SGCD: variants seen among roughly 807,000 people sequenced by gnomAD.
The protein encoded by SGCD is sarcoglycan delta, also known as delta-sarcoglycan.
Under a neutral mutation model 36.6 loss-of-function variants are expected in SGCD, and 18 were observed. The ratio of observed to expected loss-of-function variants is 0.49; its 90% CI spans 0.34 to 0.73. The LOEUF (loss-of-function observed/expected upper bound fraction) is 0.73. Ranked by LOEUF, SGCD falls within the 30% of genes least tolerant of loss-of-function variation. The pLI, the probability that SGCD is intolerant of heterozygous loss-of-function variation, is 0.01. For missense variants in SGCD, 387 were observed against 346.7 expected (o/e 1.12, Z -0.92); for synonymous variants, 133 against 130.6 (o/e 1.02, Z -0.12).
intron 3 of SGCD, among the ~76,000 whole-genome samples, chr5:156,467,066 C>T (rs1754751643): frequency 6.6e-6 from 1 of 152,086 alleles, no homozygotes; most frequent in African/African-American, 2.4e-5. Flanking sequence ...GTTGCAGCTA[C>T]TCAACTCTGT....
chr5:155,954,758 G>A (rs1171383854), intron 1 of SGCD, among the ~76,000 whole-genome samples: 2 of 152,134 alleles, frequency 1.3e-5, no homozygotes, highest in African/African-American at 4.8e-5. Context: ...CTAACAGGAT[G>A]TATGTATATC....
chr5:156,595,683 G>A (rs921072508), intron 6 of SGCD, among the ~76,000 whole-genome samples: 3 of 152,182 alleles, frequency 2.0e-5, no homozygotes, highest in Admixed American at 6.5e-5. Context: ...TGGCAGGCGT[G>A]CTTGACGCAT....
chr5:156,285,930 A>C (rs1398071641), intron 3 of SGCD, among the ~76,000 whole-genome samples: 3 of 152,230 alleles, frequency 2.0e-5, no homozygotes, highest in Admixed American at 2.0e-4. Flanking sequence ...CTCATCTGAC[A>C]AAGGGCTAAT....
chr5:156,294,778 T>C (rs115303222), intron 3 of SGCD, among the ~76,000 whole-genome samples: 1,862 of 152,322 alleles, frequency 0.012, 20 homozygotes, highest in Non-Finnish European at 0.02. Context: ...ATACGTTATA[T>C]CAAATTGTTG....
intron 3 of SGCD, among the ~76,000 whole-genome samples, chr5:156,157,545 G>A (rs1208142113): frequency 6.6e-6 from 1 of 151,568 alleles, no homozygotes; most frequent in African/African-American, 2.4e-5. Flanking sequence ...CTCTACAAAG[G>A]ACTAGAAATG....
chr5:156,568,612 A>G (rs1759592462), intron 4 of SGCD, among the ~76,000 whole-genome samples: 1 of 152,200 alleles, frequency 6.6e-6, no homozygotes, highest in African/African-American at 2.4e-5. Context: ...CTGTCCACAC[A>G]CTGTTGATTG....
At chr5:156,446,557 A>G (rs1196427313) in intron 3 of SGCD, among the ~76,000 whole-genome samples, 1 of 152,112 alleles carries the variant, frequency 6.6e-6, no homozygotes, top group Non-Finnish European at 1.5e-5. Flanking sequence ...GTGTTTTGTG[A>G]TTTCTCCCAA....
At chr5:156,548,885 T>A (rs1417600594) in intron 4 of SGCD, among the ~76,000 whole-genome samples, 2 of 152,166 alleles carry the variant, frequency 1.3e-5, no homozygotes, top group African/African-American at 4.8e-5. Context: ...CAGAGCATCC[T>A]TGAGAACATT....
At chr5:156,095,755 C>G (rs1288211000) in intron 1 of SGCD, among the ~76,000 whole-genome samples, 1 of 152,196 alleles carries the variant, frequency 6.6e-6, no homozygotes, top group Non-Finnish European at 1.5e-5. Context: ...CAAATTGTCA[C>G]TCAAGTGGCT....
intron 1 of SGCD, among the ~76,000 whole-genome samples, chr5:156,059,573 G>T (rs1760151698): frequency 6.8e-6 from 1 of 146,306 alleles, no homozygotes; most frequent in Non-Finnish European, 1.5e-5. Context: ...GTAAGATAGT[G>T]TGGTGTTTTT....
chr5:155,938,797 A>G (rs1757266126), intron 1 of SGCD, among the ~76,000 whole-genome samples: 1 of 152,240 alleles, frequency 6.6e-6, no homozygotes. Flanking sequence ...ATACCTGCGA[A>G]GTAGACATTA....
At chr5:156,131,128 G>A (rs1426994759) in intron 3 of SGCD, among the ~76,000 whole-genome samples, 1 of 152,180 alleles carries the variant, frequency 6.6e-6, no homozygotes, top group Non-Finnish European at 1.5e-5. Flanking sequence ...TCTAATACAA[G>A]TCTGTTTTCT....
intron 7 of SGCD, among the ~76,000 whole-genome samples, chr5:156,748,795 A>AT (rs1258976998): frequency 6.6e-6 from 1 of 152,018 alleles, no homozygotes; most frequent in East Asian, 1.9e-4. Flanking sequence ...GGTAGTTTCA[A>AT]TTTTTTCTTT....
chr5:156,339,692 G>T (rs1206804813), intron 2 of SGCD, among the ~76,000 whole-genome samples: 1 of 151,926 alleles, frequency 6.6e-6, no homozygotes, highest in Non-Finnish European at 1.5e-5. Context: ...ATATCTAAAA[G>T]TACATACCAT....
chr5:156,495,436 C>G (rs913529162), intron 3 of SGCD, among the ~76,000 whole-genome samples: 2 of 152,154 alleles, frequency 1.3e-5, no homozygotes, highest in African/African-American at 4.8e-5. Context: ...CGGCACTGGG[C>G]CCTTTGAAGC....
chr5:155,762,517 C>G, the SGCD span, among the ~76,000 whole-genome samples: 1 of 152,154 alleles, frequency 6.6e-6, no homozygotes, highest in African/African-American at 2.4e-5. Flanking sequence ...TAGCTGTCAC[C>G]TATTTGGCAC....
chr5:156,632,660 A>G (rs759200635), intron 6 of SGCD, among the ~76,000 whole-genome samples: 4 of 152,208 alleles, frequency 2.6e-5, no homozygotes, highest in Admixed American at 6.5e-5. Context: ...TACACTTGCC[A>G]TGGTTTGGGT....
At chr5:155,738,409 T>C in the SGCD span, among the ~76,000 whole-genome samples, 1 of 152,196 alleles carries the variant, frequency 6.6e-6, no homozygotes, top group Non-Finnish European at 1.5e-5. Flanking sequence ...AAAAAGCATG[T>C]TTTTCCTCTT....
At chr5:156,695,337 G>A (rs1754267921) in intron 7 of SGCD, among the ~76,000 whole-genome samples, 1 of 152,024 alleles carries the variant, frequency 6.6e-6, no homozygotes, top group Admixed American at 6.6e-5. Flanking sequence ...TCAATTGAAG[G>A]CCTTAATAGA....
Sources: allele counts gnomAD v4.1 joint callset (sites outside exome capture counted in the v4.1 genomes callset), GRCh38; gene constraint gnomAD v4.1.1; transcripts MANE v1.5; gene names NCBI Gene and HGNC (gene_info 2026-07-23, HGNC 2026-07-21).